The following GRIP1 variants were observed in gnomAD, a reference collection of about 807,000 sequenced individuals.
The protein encoded by GRIP1 is glutamate receptor-interacting protein 1.
A neutral mutation model predicts 129.9 loss-of-function variants in GRIP1; 45 were observed. The ratio of observed to expected loss-of-function variants is 0.35; its 90% CI spans 0.27 to 0.44. The LOEUF (loss-of-function observed/expected upper bound fraction) is 0.44, where lower values mean the gene tolerates loss of function less well. Ranked by LOEUF, GRIP1 falls within the 20% of genes least tolerant of loss-of-function variation. The probability of loss-of-function intolerance (pLI) is 1.00; values close to 1 mark genes in which losing one functional copy is unlikely to be tolerated. For synonymous variants in GRIP1, 530 were observed against 520.8 expected (o/e 1.02, Z -0.24); for missense variants, 1,196 against 1,396.8 (o/e 0.86, Z 2.29).
intron 1 of GRIP1, among the ~76,000 whole-genome samples, chr12:66,998,871 T>A (rs2042508781): frequency 6.6e-6 from 1 of 152,166 alleles, no homozygotes; most frequent in Admixed American, 6.6e-5. Flanking sequence ...CCCACTAGCA[T>A]TAAAACATGC....
At chr12:66,977,241 TTTC>T (rs1297808960) in intron 1 of GRIP1, among the ~76,000 whole-genome samples, 1 of 151,842 alleles carries the variant, frequency 6.6e-6, no homozygotes, top group African/African-American at 2.4e-5. Flanking sequence ...ATTTCTTTTT[TTTC>T]TTTTTTTTTA....
chr12:66,456,401 A>T (rs2058965886), intron 9 of GRIP1, 59 bp from the exon 10 acceptor site: 1 of 916,002 alleles, frequency 1.1e-6, no homozygotes, highest in African/African-American at 1.7e-5. Context: ...CAAAGAACCA[A>T]AAAAGAGGAA....
chr12:66,895,189 T>C (rs1241417901), intron 1 of GRIP1, among the ~76,000 whole-genome samples: 5 of 152,208 alleles, frequency 3.3e-5, no homozygotes, highest in Non-Finnish European at 5.9e-5. Flanking sequence ...AATCTCATCT[T>C]GAATTGTAGC....
intron 1 of GRIP1, among the ~76,000 whole-genome samples, chr12:66,896,719 G>A (rs1022025593): frequency 6.6e-6 from 1 of 152,216 alleles, no homozygotes; most frequent in East Asian, 1.9e-4. Flanking sequence ...AGCTCTGGCA[G>A]ACTGAAGAAT....
intron 1 of GRIP1, among the ~76,000 whole-genome samples, chr12:66,948,181 T>C (rs2041701095): frequency 6.6e-6 from 1 of 152,254 alleles, no homozygotes; most frequent in Non-Finnish European, 1.5e-5. Context: ...ACTAATTTTA[T>C]TTTAATTTAC....
chr12:66,401,795 T>G (rs943548177), intron 16 of GRIP1, among the ~76,000 whole-genome samples: 1 of 152,046 alleles, frequency 6.6e-6, no homozygotes, highest in Admixed American at 6.6e-5. Flanking sequence ...AGTCTGGCAT[T>G]CTTAGTCTTT....
chr12:66,422,302 C>G (rs2057830694), intron 14 of GRIP1, among the ~76,000 whole-genome samples: 1 of 152,190 alleles, frequency 6.6e-6, no homozygotes, highest in East Asian at 1.9e-4. Context: ...TTCTTAGCTT[C>G]CAGCAAAGAA....
chr12:66,914,097 A>G (rs2041078600), intron 1 of GRIP1, among the ~76,000 whole-genome samples: 1 of 152,196 alleles, frequency 6.6e-6, no homozygotes, highest in African/African-American at 2.4e-5. Context: ...GAAGGACACT[A>G]TGAGAAATAA....
At chr12:66,465,632 A>C (rs181445464) in intron 7 of GRIP1, among the ~76,000 whole-genome samples, 224 of 152,332 alleles carry the variant, frequency 1.5e-3, no homozygotes, top group Non-Finnish European at 2.9e-3. Context: ...TATTGTGTTA[A>C]TGTATGTGTA....
At chr12:66,566,719 C>T (rs1416246515) in intron 2 of GRIP1, among the ~76,000 whole-genome samples, 1 of 151,908 alleles carries the variant, frequency 6.6e-6, no homozygotes, top group African/African-American at 2.4e-5. Flanking sequence ...TGTTTGTATC[C>T]CTGGTAAAAT....
At chr12:66,629,238 T>G (rs944913558) in intron 1 of GRIP1, among the ~76,000 whole-genome samples, 2 of 152,232 alleles carry the variant, frequency 1.3e-5, no homozygotes, top group Admixed American at 6.5e-5. Context: ...TCTTGGGAAG[T>G]TGACAAGACA....
intron 1 of GRIP1, among the ~76,000 whole-genome samples, chr12:66,931,393 T>G (rs952497320): frequency 1.6e-4 from 24 of 151,932 alleles, no homozygotes; most frequent in Admixed American, 6.6e-5. Context: ...AGAAGAAGAA[T>G]AACAAAGAAT....
At chr12:66,848,408 C>T (rs1305088455) in intron 1 of GRIP1, among the ~76,000 whole-genome samples, 3 of 152,050 alleles carry the variant, frequency 2.0e-5, no homozygotes, top group African/African-American at 7.2e-5. Context: ...GTGAATAAGA[C>T]AGAAAATAGT....
At chr12:66,644,952 A>T (rs2032234828) in intron 1 of GRIP1, among the ~76,000 whole-genome samples, 1 of 152,190 alleles carries the variant, frequency 6.6e-6, no homozygotes, top group Non-Finnish European at 1.5e-5. Context: ...GACCATGTTT[A>T]GTGGAAGAAC....
chr12:67,049,248 T>C (rs756829849), intron 1 of GRIP1, among the ~76,000 whole-genome samples: 5 of 152,220 alleles, frequency 3.3e-5, no homozygotes, highest in Admixed American at 1.3e-4. Context: ...ACATTTTTCA[T>C]GCTAAGAGAA....
rs1454253035 is a variant in GRIP1 at position 66,606,087 on chromosome 12, T to G, written c.56-9160A>C. On this transcript the variant is annotated intron_variant, in intron 1 of 24. Transcript: ENST00000359742. ...AACTCCCTCTCTCGTGTCTTAAGTG[T>G]GTAACGGCCTTAGAAACAATGGTCC... Among the ~76,000 whole-genome samples, 3 of 152,174 alleles carry G rather than the reference T, an allele frequency of 2.0e-5. No homozygotes were observed. The East Asian group carries it at 5.8e-4, about 29-fold the overall frequency.
At chr12:66,356,761 T>C (rs1382028173) in intron 23 of GRIP1, among the ~76,000 whole-genome samples, 1 of 152,228 alleles carries the variant, frequency 6.6e-6, no homozygotes, top group Non-Finnish European at 1.5e-5. Flanking sequence ...CTTTCTTTCA[T>C]AAACTCCACA....
At chr12:66,539,319 T>C in intron 3 of GRIP1, 96 bp from the exon 4 acceptor site, 1 of 1,524,458 alleles carries the variant, frequency 6.6e-7, no homozygotes, top group East Asian at 2.3e-5. Context: ...CATGCAAGTG[T>C]AGAAGCAAGC....
At chr12:66,409,702 C>T (rs946341613) in intron 15 of GRIP1, among the ~76,000 whole-genome samples, 5 of 152,102 alleles carry the variant, frequency 3.3e-5, no homozygotes, top group South Asian at 2.1e-4. Flanking sequence ...AAATAAGGCA[C>T]GAAAGACCAA....
Sources: allele counts gnomAD v4.1 joint callset (sites outside exome capture counted in the v4.1 genomes callset), GRCh38; gene constraint gnomAD v4.1.1; transcripts MANE v1.5; gene names NCBI Gene and HGNC (gene_info 2026-07-23, HGNC 2026-07-21).